The following NRP2 variants were observed in gnomAD, a reference collection of about 807,000 sequenced individuals.
NRP2 encodes the protein neuropilin-2.
Under a neutral mutation model 110.4 loss-of-function variants are expected in NRP2, and 52 were observed. That is an observed-to-expected ratio of 0.47 (90% confidence interval 0.38 to 0.59). The LOEUF is 0.59. Among genes scored for constraint, NRP2 ranks in the 20% least tolerant of loss-of-function variants. The pLI is 0.00. For synonymous variants in NRP2, 508 were observed against 468.9 expected (o/e 1.08, Z -1.08); for missense variants, 1,049 against 1,203.0 (o/e 0.87, Z 1.89).
chr2:205,739,318 G>T (rs749177784), intron 7 of NRP2, among the ~76,000 whole-genome samples: 1 of 152,194 alleles, frequency 6.6e-6, no homozygotes, highest in East Asian at 1.9e-4. Flanking sequence ...ATCCAATGAA[G>T]TGGAGATAAG....
At chr2:205,738,074 G>A (rs1035432176) in intron 7 of NRP2, among the ~76,000 whole-genome samples, 5 of 152,218 alleles carry the variant, frequency 3.3e-5, no homozygotes, top group African/African-American at 7.2e-5. Flanking sequence ...TGCAGGGGTC[G>A]GATAAGATAA....
chr2:205,716,307 C>T lies in NRP2; in HGVS notation c.366C>T (p.Ile122=). 1 of 1,614,154 alleles carries T rather than the reference C, an allele frequency of 6.2e-7. No individual in the cohort carries two copies. Among genetic ancestry groups the T allele is most frequent in the South Asian group, 1.1e-5 (1 of 91,086 alleles). ...TIISSGSMLY[I]KFTSDYARQG... is the part of the protein sequence containing the mutation. ...TCTCCTCGGGCTCCATGCTCTACATCAAGTTCACCTCCGACTACGCCCGGC... is the reference window on the plus strand; with the variant it reads ...TCTCCTCGGGCTCCATGCTCTACATTAAGTTCACCTCCGACTACGCCCGGC... Residue 122 remains isoleucine, a synonymous_variant, in exon 3 of 17, where the codon ATC becomes ATT. Coordinates refer to ENST00000357785, the MANE Select transcript of NRP2 (RefSeq NM_003872.3).
intron 7 of NRP2, among the ~76,000 whole-genome samples, chr2:205,737,925 C>A (rs538266783): frequency 6.6e-6 from 1 of 152,210 alleles, no homozygotes; most frequent in Non-Finnish European, 1.5e-5. Context: ...TCAGCTCATA[C>A]ATGCGAGTGC....
intron 13 of NRP2, chr2:205,764,190 A>T: frequency 1.9e-6 from 1 of 531,826 alleles, no homozygotes; most frequent in Non-Finnish European, 3.3e-6. Flanking sequence ...TCTCCATTTT[A>T]TTTTAGATTG....
intron 7 of NRP2, among the ~76,000 whole-genome samples, chr2:205,739,605 T>C (rs2105862946): frequency 6.6e-6 from 1 of 152,056 alleles, no homozygotes; most frequent in Non-Finnish European, 1.5e-5. Context: ...TTAGAAGTGA[T>C]GGTTGGTTAG....
intron 15 of NRP2, among the ~76,000 whole-genome samples, chr2:205,771,779 G>A (rs1372554434): frequency 2.0e-5 from 3 of 152,184 alleles, no homozygotes; most frequent in Non-Finnish European, 4.4e-5. Flanking sequence ...TTCTGTAAAG[G>A]CCAGATAGTA....
At chr2:205,728,821 G>A (rs2105829705) in intron 7 of NRP2, among the ~76,000 whole-genome samples, 1 of 152,362 alleles carries the variant, frequency 6.6e-6, no homozygotes, top group South Asian at 2.1e-4. Flanking sequence ...GGGTAGGATT[G>A]GGGTATCTGT....
In NRP2 at chr2:205,763,551, G is replaced by A. The variant is rs562713163; in HGVS notation, c.2045-123G>A. On this transcript the variant is annotated intron_variant, in intron 12 of 16. Coordinates refer to ENST00000357785, the MANE Select transcript of NRP2 (RefSeq NM_003872.3). The surrounding 1 kb of genome is among the most constrained non-coding windows in gnomAD (Gnocchi z 4.0). ...AGGGTCACAGAGCCTGGAGAACAAG[G>A]ACATGAATAAACCAAAGACACCGAA... 2.4e-6 allele frequency: 3 copies of A among 1,252,058 alleles called. No homozygotes were observed. The highest frequency in any genetic ancestry group is 1.5e-5 in the African/African-American group (1 of 68,008). The allele number at this position is 1,252,058 out of a possible 1,614,324, so 77.6% of individuals were successfully genotyped here.
rs76668607 is a variant in NRP2 at position 205,720,447 on chromosome 2, A to C, written c.434-2031A>C. Among the ~76,000 whole-genome samples the C allele has an allele frequency of 6.8e-3, 1,031 of 152,190 alleles. 10 individuals are homozygous for C. Among genetic ancestry groups the C allele is most frequent in the African/African-American group, 0.023 (953 of 41,534 alleles). On this transcript the variant is annotated intron_variant, in intron 3 of 16. Coordinates refer to ENST00000357785, the MANE Select transcript of NRP2 (RefSeq NM_003872.3). ...GCCCTACCAATGACAGGAACCAAAG[A>C]AAGATTCCGCCAGAAAATTCCCCAC...
At chr2:205,696,732 C>T (rs1188100326) in intron 1 of NRP2, among the ~76,000 whole-genome samples, 1 of 152,224 alleles carries the variant, frequency 6.6e-6, no homozygotes, top group Non-Finnish European at 1.5e-5. Flanking sequence ...CAGCAGCACA[C>T]TCTGGTGGTG....
chr2:205,743,711 C>A, intron 9 of NRP2, 159 bp downstream of exon 9: 1 of 1,393,144 alleles, frequency 7.2e-7, no homozygotes, highest in Non-Finnish European at 9.5e-7. Flanking sequence ...TTGTGCCAGG[C>A]ACTGTGCTAA....
Position 205,728,055 on chromosome 2 carries a change from A to G in NRP2, c.1146+9A>G. The G allele has an allele frequency of 6.2e-7, 1 of 1,614,126 alleles. No homozygotes were observed. The highest frequency in any genetic ancestry group is 1.3e-5 in the African/African-American group (1 of 75,044). ...ATGGCAAAAACCACAAGGTAAATCC[A>G]TGATCCTACCTTAAAGGCACATTGG... is the stretch of plus-strand genomic sequence containing the variant. On this transcript the variant is annotated intron_variant, in intron 7 of 16. Coordinates refer to ENST00000357785, the MANE Select transcript of NRP2 (RefSeq NM_003872.3).
At chr2:205,789,552 C>T (rs796181047) in intron 15 of NRP2, among the ~76,000 whole-genome samples, 1 of 152,244 alleles carries the variant, frequency 6.6e-6, no homozygotes, top group East Asian at 1.9e-4. Flanking sequence ...TCTGCCCTGA[C>T]TTCGGCAGCT....
chr2:205,721,140 A>G (rs1174760141), intron 3 of NRP2, among the ~76,000 whole-genome samples: 1 of 152,210 alleles, frequency 6.6e-6, no homozygotes, highest in Non-Finnish European at 1.5e-5. Flanking sequence ...TCATCAATAA[A>G]GAGACTCAAT....
chr2:205,747,688 A>G (rs2057563032), intron 10 of NRP2, among the ~76,000 whole-genome samples: 1 of 152,180 alleles, frequency 6.6e-6, no homozygotes, highest in Non-Finnish European at 1.5e-5. Context: ...CAGCCCCAGA[A>G]GGTAGAAGTC....
chr2:205,711,101 T>G (rs1227810310), intron 2 of NRP2, among the ~76,000 whole-genome samples: 1 of 152,178 alleles, frequency 6.6e-6, no homozygotes, highest in Non-Finnish European at 1.5e-5. Flanking sequence ...ACAGAGAGTA[T>G]AAAATGGATC....
chr2:205,765,352 A>G, intron 13 of NRP2, 122 bp from the exon 14 acceptor site: 1 of 793,802 alleles, frequency 1.3e-6, no homozygotes, highest in Non-Finnish European at 2.2e-6. Context: ...GTGCAATAAC[A>G]CACACACACA....
intron 15 of NRP2, among the ~76,000 whole-genome samples, chr2:205,791,184 T>A (rs1359259131): frequency 6.6e-6 from 1 of 152,228 alleles, no homozygotes; most frequent in African/African-American, 2.4e-5. Flanking sequence ...TTCTCCCTCT[T>A]GTCTGATACT....
intron 15 of NRP2, among the ~76,000 whole-genome samples, chr2:205,789,169 G>T (rs2058270077): frequency 6.6e-6 from 1 of 152,198 alleles, no homozygotes; most frequent in Non-Finnish European, 1.5e-5. Context: ...TAGGGATATG[G>T]TGGTAGTTAC....
Sources: allele counts gnomAD v4.1 joint callset (sites outside exome capture counted in the v4.1 genomes callset), GRCh38; gene constraint gnomAD v4.1.1; non-coding constraint Gnocchi (gnomAD v3.1); transcripts MANE v1.5; gene names NCBI Gene and HGNC (gene_info 2026-07-23, HGNC 2026-07-21).